The following ARNT variants were observed in gnomAD, a reference collection of about 807,000 sequenced individuals.
ARNT encodes the protein class E basic helix-loop-helix protein 2.
In ARNT, 30 loss-of-function variants were observed where a neutral mutation model predicts 105.0. The ratio of observed to expected loss-of-function variants is 0.29; its 90% CI spans 0.21 to 0.39. ARNT has a LOEUF of 0.39. Among genes scored for constraint, ARNT ranks in the 10% least tolerant of loss-of-function variants. The pLI is 1.00. For missense variants in ARNT, 748 were observed against 978.7 expected, an observed-to-expected ratio of 0.76 and a Z score of 3.15; for synonymous variants, 304 against 344.0, an observed-to-expected ratio of 0.88 and a Z score of 1.29.
intron 6 of ARNT, among the ~76,000 whole-genome samples, chr1:150,837,074 A>AG: frequency 6.6e-6 from 1 of 152,086 alleles, no homozygotes; most frequent in East Asian, 1.9e-4. Context: ...TCTCAAAAAA[A>AG]AAAAGGCTTA....
chr1:150,833,788 A>T (rs1407514242), intron 8 of ARNT, among the ~76,000 whole-genome samples: 1 of 152,154 alleles, frequency 6.6e-6, no homozygotes, highest in East Asian at 1.9e-4. Context: ...AACCAAAAAA[A>T]AAAAGAAGAA....
intron 3 of ARNT, among the ~76,000 whole-genome samples, chr1:150,847,412 C>T (rs587762222): frequency 2.8e-5 from 3 of 106,612 alleles, no homozygotes; most frequent in African/African-American, 3.8e-5. Flanking sequence ...GGCAACAGAG[C>T]GAGACTCCGT....
chr1:150,851,949 G>A (rs747965710), intron 3 of ARNT, among the ~76,000 whole-genome samples: 2 of 152,012 alleles, frequency 1.3e-5, no homozygotes, highest in Admixed American at 6.5e-5. Context: ...TTGGGAGGCT[G>A]AGGCAGGAGA....
chr1:150,819,857 T>C (rs1238695399), intron 14 of ARNT, among the ~76,000 whole-genome samples: 2 of 152,216 alleles, frequency 1.3e-5, no homozygotes, highest in East Asian at 3.8e-4. Context: ...CAGTAAGAGT[T>C]ACATAACTAT....
chr1:150,864,789 T>C (rs1485264408), intron 1 of ARNT, among the ~76,000 whole-genome samples: 5 of 113,188 alleles, frequency 4.4e-5, no homozygotes, highest in African/African-American at 1.7e-4. Flanking sequence ...AATAAATAAA[T>C]AAATAAAAGA....
chr1:150,871,481 A>G (rs1360005495), intron 1 of ARNT, among the ~76,000 whole-genome samples: 1 of 149,450 alleles, frequency 6.7e-6, no homozygotes, highest in Non-Finnish European at 1.5e-5. Flanking sequence ...TTGTATTTTT[A>G]GTAGAGACAG....
chr1:150,829,386 A>G (rs1489093114), intron 11 of ARNT, among the ~76,000 whole-genome samples, 159 bp from the exon 12 acceptor site: 1 of 152,196 alleles, frequency 6.6e-6, no homozygotes, highest in African/African-American at 2.4e-5. Flanking sequence ...TGACAATCAC[A>G]ATCAGACAAG....
At chr1:150,823,437 T>C (rs587597959) in intron 13 of ARNT, 92 bp from the exon 14 acceptor site, 1 of 1,276,528 alleles carries the variant, frequency 7.8e-7, no homozygotes, top group Non-Finnish European at 1.1e-6. Context: ...ACCCTAAAAC[T>C]CTTGTCATTG....
intron 1 of ARNT, among the ~76,000 whole-genome samples, chr1:150,862,965 C>T (rs905987375): frequency 3.3e-5 from 5 of 150,668 alleles, no homozygotes; most frequent in African/African-American, 9.8e-5. Flanking sequence ...GCAGAAGAAT[C>T]GCTTGAACAC....
intron 1 of ARNT, among the ~76,000 whole-genome samples, chr1:150,875,042 A>T (rs1159124003): frequency 6.6e-6 from 1 of 152,218 alleles, no homozygotes; most frequent in African/African-American, 2.4e-5. Context: ...CTTCTTAATA[A>T]GAGAAATGCT....
At chr1:150,815,703 C>CA (rs1257624590) in intron 19 of ARNT, among the ~76,000 whole-genome samples, 135 of 134,230 alleles carry the variant, frequency 1.0e-3, no homozygotes, top group African/African-American at 1.8e-3. Context: ...ACTAAAAATA[C>CA]AAAAAAAAAA....
chr1:150,816,217 C>CA, intron 19 of ARNT, 42 bp downstream of exon 19: 1 of 1,557,090 alleles, frequency 6.4e-7, no homozygotes, highest in Admixed American at 2.2e-5. Context: ...CCCAAACAAA[C>CA]AAAAAATAAT....
chr1:150,817,854 T>C (rs953620330), intron 15 of ARNT, 66 bp downstream of exon 15: 32 of 1,207,582 alleles, frequency 2.6e-5, no homozygotes, highest in Non-Finnish European at 3.2e-5. Flanking sequence ...ACAAAAAATA[T>C]ATGGGATTGC....
chr1:150,850,571 C>T (rs1229018800), intron 3 of ARNT, among the ~76,000 whole-genome samples: 4 of 152,224 alleles, frequency 2.6e-5, no homozygotes, highest in Non-Finnish European at 4.4e-5. Context: ...GACTGAGTCT[C>T]GTTCACTCAG....
At chr1:150,836,862 G>A (rs1179222010) in intron 6 of ARNT, among the ~76,000 whole-genome samples, 5 of 152,058 alleles carry the variant, frequency 3.3e-5, no homozygotes, top group South Asian at 2.1e-4. Flanking sequence ...GCAATGGGGC[G>A]AAACTCCATC....
intron 2 of ARNT, among the ~76,000 whole-genome samples, chr1:150,856,412 C>T (rs1316397134): frequency 6.6e-6 from 1 of 151,782 alleles, no homozygotes; most frequent in African/African-American, 2.4e-5. Flanking sequence ...TGCACTCCAG[C>T]CTGGGCGACA....
intron 11 of ARNT, 98 bp from the exon 12 acceptor site, chr1:150,829,325 A>G: frequency 7.6e-7 from 1 of 1,309,734 alleles, no homozygotes; most frequent in Non-Finnish European, 1.1e-6. Flanking sequence ...TAAGATTCCC[A>G]GTTTTAGGAC....
intron 10 of ARNT, among the ~76,000 whole-genome samples, chr1:150,830,722 C>A (rs1383932251): frequency 6.6e-6 from 1 of 152,112 alleles, no homozygotes; most frequent in Non-Finnish European, 1.5e-5. Flanking sequence ...TTATTCATGT[C>A]CCTTGGAAAA....
intron 19 of ARNT, among the ~76,000 whole-genome samples, chr1:150,814,674 C>T (rs1383287840): frequency 6.6e-6 from 1 of 152,080 alleles, no homozygotes; most frequent in Non-Finnish European, 1.5e-5. Flanking sequence ...AAATCCCCGT[C>T]TCTACTAAAA....
Sources: allele counts gnomAD v4.1 joint callset (sites outside exome capture counted in the v4.1 genomes callset), GRCh38; gene constraint gnomAD v4.1.1; transcripts MANE v1.5; gene names NCBI Gene and HGNC (gene_info 2026-07-23, HGNC 2026-07-21).